The following HTR1E variants were observed in gnomAD, a reference collection of about 807,000 sequenced individuals.
HTR1E encodes 5-hydroxytryptamine receptor 1E.
Under a neutral mutation model 3.4 loss-of-function variants are expected in HTR1E, and 3 were observed. The ratio of observed to expected loss-of-function variants is 0.89; its 90% CI spans 0.41 to 2.31. HTR1E has a LOEUF of 2.31. HTR1E is among the 30% of genes most tolerant of loss of function. The pLI, the probability that HTR1E is intolerant of heterozygous loss-of-function variation, is 0.05. For missense variants in HTR1E, 392 were observed against 467.0 expected (o/e 0.84, Z 1.48); for synonymous variants, 170 against 182.8 (o/e 0.93, Z 0.56).
chr6:86,962,320 G>A (rs998458019), intron 1 of HTR1E, among the ~76,000 whole-genome samples: 7 of 152,206 alleles, frequency 4.6e-5, no homozygotes, highest in Non-Finnish European at 1.0e-4. Flanking sequence ...AGAATGGTCA[G>A]ATGTAGACAT....
chr6:86,950,630 T>C (rs1767224831), intron 1 of HTR1E, among the ~76,000 whole-genome samples: 2 of 152,210 alleles, frequency 1.3e-5, no homozygotes, highest in African/African-American at 4.8e-5. Context: ...GCAATATTCT[T>C]AGCATAGTAC....
At chr6:86,959,653 T>C (rs1767378952) in intron 1 of HTR1E, among the ~76,000 whole-genome samples, 1 of 152,170 alleles carries the variant, frequency 6.6e-6, no homozygotes, top group Non-Finnish European at 1.5e-5. Flanking sequence ...GCTGGAGCCT[T>C]AGCTGTGTAG....
intron 1 of HTR1E, among the ~76,000 whole-genome samples, chr6:86,968,730 G>T (rs926154926): frequency 6.6e-6 from 1 of 151,926 alleles, no homozygotes; most frequent in Admixed American, 6.6e-5. Context: ...AATCTGAATT[G>T]CAAATATTTT....
At chr6:86,951,509 A>G (rs545745874) in intron 1 of HTR1E, among the ~76,000 whole-genome samples, 4 of 152,284 alleles carry the variant, frequency 2.6e-5, no homozygotes, top group East Asian at 1.9e-4. Context: ...TCTATTTCCT[A>G]TGTAAATAAC....
Position 87,015,346 on chromosome 6 carries a change from A to G in HTR1E, c.12A>G (p.Thr4=), listed in dbSNP as rs547919753. Residue 4 remains threonine (T), a synonymous_variant, in exon 2 of 2, where the codon ACA becomes ACG. Transcript: ENST00000305344. MNI[T]NCTTEASMAI... is the part of the protein sequence containing the mutation. ...GAAACAAGGGAAACATGAACATCAC[A>G]AACTGTACCACAGAGGCCAGCATGG... 3.2e-6 allele frequency: 5 copies of G among 1,555,822 alleles called. No homozygotes were observed. In the African/African-American group the frequency reaches 5.5e-5, roughly 17 times the overall value.
At chr6:87,006,760 C>A (rs1445260455) in intron 1 of HTR1E, among the ~76,000 whole-genome samples, 1 of 152,158 alleles carries the variant, frequency 6.6e-6, no homozygotes, top group South Asian at 2.1e-4. Context: ...GGAATGAGAT[C>A]ATGTCCTTTG....
At chr6:86,995,665 C>CAAAAAAAAAAAAAAAAAAAAAAAA (rs60134206) in intron 1 of HTR1E, among the ~76,000 whole-genome samples, 10 of 36,688 alleles carry the variant, frequency 2.7e-4, no homozygotes, top group African/African-American at 6.0e-4. Flanking sequence ...GACTCCATCT[C>CAAAAAAAAAAAAAAAAAAAAAAAA]AAAAAAAAAA....
At chr6:87,007,394 A>G (rs1417422956) in intron 1 of HTR1E, among the ~76,000 whole-genome samples, 1 of 152,212 alleles carries the variant, frequency 6.6e-6, no homozygotes, top group Non-Finnish European at 1.5e-5. Context: ...TAGATAGAAA[A>G]AATAAGATAT....
rs537762903 is a variant in HTR1E, at chr6:86,941,817, G to A, written c.-186+3994G>A. Among the ~76,000 whole-genome samples the A allele has an allele frequency of 2.6e-5, 4 of 151,758 alleles. No individual in the cohort carries two copies. The South Asian group carries it at 8.4e-4, about 32-fold the overall frequency. ...TCAGATCCTCCTAATGACCCCATTA[G>A]GGAGGGAGGAAGGGAGCAAGGAAGG... On this transcript the variant is annotated intron_variant, in intron 1 of 1. Coordinates refer to ENST00000305344, the MANE Select transcript of HTR1E (RefSeq NM_000865.3).
chr6:86,976,997 T>G (rs898658763), intron 1 of HTR1E, among the ~76,000 whole-genome samples: 11 of 152,236 alleles, frequency 7.2e-5, no homozygotes, highest in Non-Finnish European at 1.5e-4. Context: ...AGATGCTCTA[T>G]TAACTACCTT....
At chr6:86,998,385 T>C (rs1767974008) in intron 1 of HTR1E, among the ~76,000 whole-genome samples, 1 of 152,126 alleles carries the variant, frequency 6.6e-6, no homozygotes, top group Non-Finnish European at 1.5e-5. Context: ...GAATATATTC[T>C]ATGAGCCTGA....
rs1243558120 is a variant in HTR1E at position 87,015,802 on chromosome 6, C to G, written c.468C>G (p.Pro156=). ...CCATCTCCATTTTCATCTCCATGCC[C>G]CCTCTGTTCTGGAGAAGCCACCGCC... is the stretch of plus-strand genomic sequence containing the variant. ...VWTISIFISM[P]PLFWRSHRRL... Residue 156 remains proline (P), a synonymous_variant, in exon 2 of 2, where the codon CCC becomes CCG. Transcript: ENST00000305344. 6.8e-6 allele frequency: 11 copies of G among 1,612,298 alleles called. No individual in the cohort carries two copies. The highest frequency in any genetic ancestry group is 8.5e-6 in the Non-Finnish European group (10 of 1,179,056).
intron 1 of HTR1E, among the ~76,000 whole-genome samples, chr6:87,008,894 G>T (rs150372240): frequency 6.6e-6 from 1 of 152,002 alleles, no homozygotes; most frequent in Non-Finnish European, 1.5e-5. Flanking sequence ...AATCACAATC[G>T]TGTCTCCTCC....
chr6:87,007,434 A>G (rs1562073352), intron 1 of HTR1E, among the ~76,000 whole-genome samples: 1 of 152,240 alleles, frequency 6.6e-6, no homozygotes. Context: ...GGGTGACTAT[A>G]GTCAACAATA....
intron 1 of HTR1E, among the ~76,000 whole-genome samples, chr6:86,992,261 T>G (rs192963566): frequency 6.2e-4 from 94 of 152,368 alleles, no homozygotes; most frequent in African/African-American, 2.1e-3. Context: ...AAAAGCTTTA[T>G]GTAGATAGGG....
rs1429368868 is a variant in HTR1E at position 87,016,072 on chromosome 6, C to A, written c.738C>A (p.Asp246Glu). The A allele has an allele frequency of 5.0e-6, 8 of 1,614,180 alleles. No individual in the cohort carries two copies. The highest frequency in any genetic ancestry group is 5.1e-6 in the Non-Finnish European group (6 of 1,180,022). ...CKLTQTFCVSDFSTSDPTTEF... is the reference protein window; with the variant it reads ...CKLTQTFCVSEFSTSDPTTEF... ...TTACACAGACTTTCTGTGTGTCTGA[C>A]TTCTCCACCTCAGACCCTACCACAG... Residue 246 changes from aspartate (D) to glutamate (E), a missense_variant, in exon 2 of 2, where the codon GAC becomes GAA. Around this residue, in one of 3 missense-constraint regions of HTR1E, gnomAD observed 178 missense variants for 164.9 expected, o/e 1.08. Coordinates refer to ENST00000305344, the MANE Select transcript of HTR1E (RefSeq NM_000865.3).
intron 1 of HTR1E, among the ~76,000 whole-genome samples, chr6:86,991,359 C>A (rs1046884952): frequency 6.6e-6 from 1 of 151,988 alleles, no homozygotes; most frequent in Non-Finnish European, 1.5e-5. Context: ...GAAAAATGTA[C>A]CATGGTAATA....
chr6:86,945,315 T>G (rs749307750), intron 1 of HTR1E, among the ~76,000 whole-genome samples: 2 of 152,174 alleles, frequency 1.3e-5, no homozygotes, highest in Non-Finnish European at 2.9e-5. Flanking sequence ...CAATCTCACC[T>G]CATTGCAACC....
intron 1 of HTR1E, among the ~76,000 whole-genome samples, chr6:86,966,569 C>T (rs1053809636): frequency 6.6e-6 from 1 of 152,116 alleles, no homozygotes; most frequent in Admixed American, 6.5e-5. Context: ...TGAATCTCCT[C>T]CTGTTTTGAG....
Sources: gnomAD v4.1 joint callset for allele counts (sites outside exome capture counted in the v4.1 genomes callset) on GRCh38, gnomAD v4.1.1 for gene constraint, gnomAD v4.1.1 regional missense constraint, MANE v1.5 for transcripts, NCBI Gene and HGNC (gene_info 2026-07-23, HGNC 2026-07-21) for gene names.